ITPKB: variants seen among roughly 807,000 people sequenced by gnomAD.
ITPKB encodes IP3 3-kinase B.
A neutral mutation model predicts 69.4 loss-of-function variants in ITPKB; 13 were observed. That is an observed-to-expected ratio of 0.19 (90% CI 0.12 to 0.30). The LOEUF is 0.30. ITPKB is among the 10% of genes least tolerant of loss of function. The pLI is 1.00. For missense variants in ITPKB, 1,240 were observed against 1,250.5 expected, an observed-to-expected ratio of 0.99 and a Z score of 0.13; for synonymous variants, 584 against 513.7, an observed-to-expected ratio of 1.14 and a Z score of -1.85.
intron 2 of ITPKB, among the ~76,000 whole-genome samples, chr1:226,678,813 G>A (rs2102772109): frequency 6.6e-6 from 1 of 152,354 alleles, no homozygotes; most frequent in African/African-American, 2.4e-5. Context: ...TCTGCTGTCA[G>A]GAAGGAGGTT....
intron 2 of ITPKB, among the ~76,000 whole-genome samples, chr1:226,718,357 C>T (rs897216385): frequency 2.6e-5 from 4 of 151,794 alleles, no homozygotes; most frequent in Admixed American, 6.6e-5. Context: ...TGGCTCACTC[C>T]CATAATCTCA....
intron 2 of ITPKB, among the ~76,000 whole-genome samples, chr1:226,649,316 T>A (rs950621876): frequency 6.8e-6 from 1 of 147,944 alleles, no homozygotes; most frequent in African/African-American, 2.6e-5. Context: ...TGTGTGCATA[T>A]GTGTGCATGA....
chr1:226,666,490 C>G (rs1156896649), intron 2 of ITPKB, among the ~76,000 whole-genome samples: 1 of 152,210 alleles, frequency 6.6e-6, no homozygotes, highest in Non-Finnish European at 1.5e-5. Context: ...CCCCAGCACA[C>G]TGACCCCACA....
chr1:226,704,024 G>A (rs1289712158), intron 2 of ITPKB, among the ~76,000 whole-genome samples: 2 of 152,118 alleles, frequency 1.3e-5, no homozygotes, highest in African/African-American at 4.8e-5. Context: ...CTTGCAGAGC[G>A]TAGCGGTTCT....
Position 226,722,474 on chromosome 1 carries a change from G to A in ITPKB, c.1932+13053C>T, listed in dbSNP as rs1231884218. Among the ~76,000 whole-genome samples the A allele has an allele frequency of 2.6e-5, 4 of 152,350 alleles. No homozygotes were observed. In the East Asian group the frequency reaches 7.7e-4, roughly 29 times the overall value. On this transcript the variant is annotated intron_variant, in intron 2 of 7. Transcript: ENST00000429204. ...GAGACGGCTCGGCTCTCAGGAGAGA[G>A]CAGCTGATTTTTAATGTACAGTGTA...
chr1:226,685,821 T>C (rs1656195858), intron 2 of ITPKB, among the ~76,000 whole-genome samples: 4 of 152,248 alleles, frequency 2.6e-5, no homozygotes, highest in Admixed American at 2.6e-4. Context: ...AAAATTCCAC[T>C]TTCTCATCCA....
At chr1:226,653,058 T>C (rs1669226864) in intron 2 of ITPKB, among the ~76,000 whole-genome samples, 1 of 152,196 alleles carries the variant, frequency 6.6e-6, no homozygotes, top group South Asian at 2.1e-4. Context: ...GTGTGTACAC[T>C]CATACCTGTT....
At position 226,736,114 on chromosome 1, in the gene ITPKB, T is replaced by A; in HGVS notation, c.1345A>T (p.Thr449Ser). Reference protein sequence around the residue: ...LSDRVEGGSPTLGLLGGSPSA... With the variant: ...LSDRVEGGSPSLGLLGGSPSA... ...GGGCTGCCCCCAAGCAAGCCCAGCG[T>A]TGGGGACCCTCCCTCCACTCTGTCG... The change falls in exon 2 of 8, where the codon ACG becomes TCG. Residue 449 changes from threonine (T) to serine (S), a missense_variant. Thr to Ser is a moderately conservative substitution (Grantham distance 58). Around this residue, in one of 2 missense-constraint regions of ITPKB, gnomAD observed 992 missense variants for 853.8 expected, o/e 1.16. Transcript: ENST00000429204. The A allele has an allele frequency of 3.8e-6, 6 of 1,599,606 alleles. No homozygotes were observed. Among genetic ancestry groups the A allele is most frequent in the Non-Finnish European group, 5.1e-6 (6 of 1,172,058 alleles).
At chr1:226,681,153 G>C (rs960950928) in intron 2 of ITPKB, among the ~76,000 whole-genome samples, 1 of 152,250 alleles carries the variant, frequency 6.6e-6, no homozygotes, top group South Asian at 2.1e-4. Context: ...CAGTCGTCTG[G>C]TGAGAAGACC....
At position 226,642,086 on chromosome 1, in the gene ITPKB, C is replaced by A; in HGVS notation, c.2286G>T (p.Lys762Asn). ...GGTACATGTCCTTCCGCAGGCTGGG[C>A]TTCTTCCGGGCCTTCGTGAGCTCCT... ...LEEELTKARK[K>N]PSLRKDMYQK... Residue 762 changes from lysine to asparagine, a missense_variant, in exon 5 of 8, where the codon AAG (lysine) becomes AAT (asparagine). By Grantham distance (94) the Lys-to-Asn change is moderately conservative. This residue lies in a region of ITPKB where 248 missense variants were observed against 396.7 expected (regional missense o/e 0.63). Coordinates refer to ENST00000429204, the MANE Select transcript of ITPKB (RefSeq NM_002221.4). The surrounding 1 kb of genome is among the most constrained non-coding windows in gnomAD (Gnocchi z 6.4). The A allele has an allele frequency of 1.2e-6, 2 of 1,614,144 alleles. No individual in the cohort carries two copies. The highest frequency in any genetic ancestry group is 1.7e-6 in the Non-Finnish European group (2 of 1,180,036).
At chr1:226,695,293 T>C (rs951239045) in intron 2 of ITPKB, among the ~76,000 whole-genome samples, 2 of 152,000 alleles carry the variant, frequency 1.3e-5, no homozygotes, top group Non-Finnish European at 2.9e-5. Flanking sequence ...CAGGATAAAT[T>C]ACAAAAATCA....
At chr1:226,674,372 T>C (rs1427295521) in intron 2 of ITPKB, among the ~76,000 whole-genome samples, 1 of 152,070 alleles carries the variant, frequency 6.6e-6, no homozygotes, top group African/African-American at 2.4e-5. Context: ...CTGATTTTTG[T>C]AGTTTTAGTA....
intron 2 of ITPKB, among the ~76,000 whole-genome samples, chr1:226,727,159 C>T (rs558240441): frequency 2.6e-5 from 4 of 152,260 alleles, no homozygotes; most frequent in Non-Finnish European, 5.9e-5. Context: ...ATAGCTAACG[C>T]GTAAGAGCAT....
intron 5 of ITPKB, among the ~76,000 whole-genome samples, chr1:226,640,056 G>A (rs1044186594): frequency 2.0e-5 from 3 of 152,300 alleles, no homozygotes; most frequent in African/African-American, 4.8e-5. Context: ...ACCGGTGCCC[G>A]GAGGTCCCTG....
rs57488039 is a variant in ITPKB, at chr1:226,649,853, CA to C, written c.1933-1083del. ...AAACAAACAAAACAAAACAAAAAAA[CA>C]AAAAAAAAACATATTTTTAGAAAAA... On this transcript the variant is annotated intron_variant, in intron 2 of 7. Transcript: ENST00000429204. Among the ~76,000 whole-genome samples, 724 of 141,050 alleles carry C rather than the reference CA, an allele frequency of 5.1e-3. 15 individuals carry two copies. In the East Asian group the frequency reaches 0.056, roughly 11 times the overall value. The allele number at this position is 141,050 out of a possible 152,430, so 92.5% of individuals were successfully genotyped here.
intron 2 of ITPKB, chr1:226,656,787 C>T (rs1461018205): frequency 6.6e-6 from 1 of 152,220 alleles, no homozygotes; most frequent in East Asian, 1.9e-4. Context: ...GGGCAAACCT[C>T]GGCGTACACT....
chr1:226,653,837 G>T (rs1456510578), intron 2 of ITPKB, among the ~76,000 whole-genome samples: 1 of 152,218 alleles, frequency 6.6e-6, no homozygotes, highest in South Asian at 2.1e-4. Context: ...ACCAGCTGGG[G>T]AACTCCCTAG....
At chr1:226,681,484 A>G (rs958331544) in intron 2 of ITPKB, among the ~76,000 whole-genome samples, 1 of 152,222 alleles carries the variant, frequency 6.6e-6, no homozygotes, top group African/African-American at 2.4e-5. Flanking sequence ...CAGAGTTGGT[A>G]AGTGCAGAAA....
chr1:226,728,295 TCTA>T (rs1214973837), intron 2 of ITPKB, among the ~76,000 whole-genome samples: 2 of 152,212 alleles, frequency 1.3e-5, no homozygotes, highest in Non-Finnish European at 1.5e-5. Flanking sequence ...TGAATGGGTT[TCTA>T]CTAAGTGATA....
Sources: gnomAD v4.1 joint callset for allele counts (sites outside exome capture counted in the v4.1 genomes callset) on GRCh38, gnomAD v4.1.1 for gene constraint, gnomAD v4.1.1 regional missense constraint, Gnocchi (gnomAD v3.1) non-coding constraint, MANE v1.5 for transcripts, NCBI Gene and HGNC (gene_info 2026-07-23, HGNC 2026-07-21) for gene names.